The following CALN1 variants were observed in gnomAD, a reference collection of about 807,000 sequenced individuals.
CALN1 encodes calneuron 1, also known as calcium-binding protein 8.
CALN1 carries 17 observed loss-of-function variants against 30.6 expected under a neutral mutation model. The observed-to-expected ratio is 0.56, with a 90% CI of 0.38 to 0.83. The LOEUF is 0.83. Ranked by LOEUF, CALN1 falls within the 40% of genes least tolerant of loss-of-function variation. The pLI is 0.00. For synonymous variants in CALN1, 156 were observed against 131.4 expected, an observed-to-expected ratio of 1.19 and a Z score of -1.28; for missense variants, 291 against 354.9, an observed-to-expected ratio of 0.82 and a Z score of 1.45.
At chr7:71,826,703 A>G (rs1166591311) in intron 5 of CALN1, among the ~76,000 whole-genome samples, 1 of 151,896 alleles carries the variant, frequency 6.6e-6, no homozygotes. Context: ...TGTTGTTCCC[A>G]CCTCTGATCT....
chr7:71,848,947 GCAAA>G (rs1790478878), intron 5 of CALN1, among the ~76,000 whole-genome samples: 1 of 152,038 alleles, frequency 6.6e-6, no homozygotes, highest in Non-Finnish European at 1.5e-5. Context: ...TGTGAATGCT[GCAAA>G]CATTTTCTCC....
At chr7:72,272,368 C>A (rs527659499) in intron 3 of CALN1, among the ~76,000 whole-genome samples, 2 of 152,210 alleles carry the variant, frequency 1.3e-5, no homozygotes, top group Non-Finnish European at 1.5e-5. Flanking sequence ...TCGAGACCAA[C>A]CTGGCCAACA....
chr7:72,486,628 C>T, the CALN1 span, among the ~76,000 whole-genome samples: 1 of 152,098 alleles, frequency 6.6e-6, no homozygotes, highest in African/African-American at 2.4e-5. Flanking sequence ...CTGCCTTGGC[C>T]TCCCAAAGTG....
At chr7:72,370,257 A>G (rs956375231) in intron 2 of CALN1, among the ~76,000 whole-genome samples, 15 of 152,140 alleles carry the variant, frequency 9.9e-5, no homozygotes, top group Admixed American at 1.3e-4. Context: ...TGCCATCTGT[A>G]TATCTTTTTT....
At chr7:72,342,006 C>G (rs917897658) in intron 2 of CALN1, among the ~76,000 whole-genome samples, 4 of 151,920 alleles carry the variant, frequency 2.6e-5, no homozygotes, top group Non-Finnish European at 5.9e-5. Context: ...AATACCGATA[C>G]TTTGGAAGGT....
At chr7:71,950,671 A>G (rs1356748322) in intron 5 of CALN1, among the ~76,000 whole-genome samples, 1 of 152,154 alleles carries the variant, frequency 6.6e-6, no homozygotes, top group Non-Finnish European at 1.5e-5. Context: ...CTGTAAATCC[A>G]GTCAGAACAC....
chr7:71,975,224 G>T (rs1419357613), intron 5 of CALN1, among the ~76,000 whole-genome samples: 1 of 152,110 alleles, frequency 6.6e-6, no homozygotes, highest in African/African-American at 2.4e-5. Flanking sequence ...CTAGCCTCTT[G>T]TTCCACCAAT....
intron 6 of CALN1, among the ~76,000 whole-genome samples, chr7:71,807,858 G>A (rs1465321825): frequency 6.6e-6 from 1 of 152,120 alleles, no homozygotes; most frequent in African/African-American, 2.4e-5. Context: ...GGCGGATTAC[G>A]AGGTCAGGAG....
At chr7:72,101,051 C>T (rs902759034) in intron 4 of CALN1, among the ~76,000 whole-genome samples, 1 of 151,826 alleles carries the variant, frequency 6.6e-6, no homozygotes, top group African/African-American at 2.4e-5. Flanking sequence ...GCAACCTCTG[C>T]CTCCTGGGTT....
chr7:72,011,975 C>A (rs1448308108), intron 5 of CALN1, among the ~76,000 whole-genome samples: 1 of 152,124 alleles, frequency 6.6e-6, no homozygotes, highest in East Asian at 1.9e-4. Context: ...CCTTCCTGGG[C>A]GTCTACAGTT....
chr7:72,376,733 C>A (rs1804580655), intron 2 of CALN1, among the ~76,000 whole-genome samples: 1 of 152,074 alleles, frequency 6.6e-6, no homozygotes, highest in Non-Finnish European at 1.5e-5. Flanking sequence ...TTATCTATTT[C>A]TTATTTTGTT....
rs1368817180 is a variant in CALN1 at position 72,271,576 on chromosome 7, AT to A, written c.244+7109del. On this transcript the variant is annotated intron_variant, in intron 3 of 6. Coordinates refer to ENST00000395275, the MANE Select transcript of CALN1 (RefSeq NM_031468.4). ...TGTGCCTGCCTTTTAAAAAAAAAAA[AT>A]ATATATATATATATATAGTTTTCAG... 1.2e-3 allele frequency among the ~76,000 whole-genome samples: 60 copies of A among 51,652 alleles called. 3 individuals carry two copies. The highest frequency in any genetic ancestry group is 1.6e-3 in the Non-Finnish European group (48 of 29,280). 33.9% of individuals were successfully genotyped at this position (51,652 alleles called of 152,430 possible). A position where few individuals can be genotyped will look rare whatever the true frequency, so the allele number is the denominator to read the frequency against.
At chr7:72,416,401 C>T (rs1045885680), upstream of CALN1, among the ~76,000 whole-genome samples, 2 of 152,192 alleles carry the variant, frequency 1.3e-5, no homozygotes, top group Admixed American at 6.5e-5. Context: ...AAGCTGTTTT[C>T]TTCTGCCACT....
chr7:72,150,153 A>G (rs1787119982), intron 3 of CALN1, among the ~76,000 whole-genome samples: 1 of 149,428 alleles, frequency 6.7e-6, no homozygotes, highest in Non-Finnish European at 1.5e-5. Context: ...AACAGATAGA[A>G]GTTACCAGGA....
chr7:72,144,193 G>C (rs1563094986), intron 3 of CALN1, among the ~76,000 whole-genome samples: 2 of 151,220 alleles, frequency 1.3e-5, no homozygotes, highest in South Asian at 4.2e-4. Flanking sequence ...ATTGGATAAA[G>C]AGTCAAGACC....
At chr7:72,154,098 A>C (rs1465733041) in intron 3 of CALN1, among the ~76,000 whole-genome samples, 1 of 152,118 alleles carries the variant, frequency 6.6e-6, no homozygotes, top group African/African-American at 2.4e-5. Flanking sequence ...CCCTTTTACC[A>C]GGAAAGCCTC....
At chr7:72,467,061 T>C in the CALN1 span, among the ~76,000 whole-genome samples, 19,615 of 151,918 alleles carry the variant, frequency 0.13, 2,593 homozygotes, top group African/African-American at 0.34. Context: ...TGGACTAACA[T>C]CCTCCATTAC....
At chr7:71,924,054 ATGGTGGCGGCCACCTG>A (rs1407704752) in intron 5 of CALN1, among the ~76,000 whole-genome samples, 1 of 152,098 alleles carries the variant, frequency 6.6e-6, no homozygotes, top group Non-Finnish European at 1.5e-5. Context: ...TTAGCCAGGC[ATGGTGGCGGCCACCTG>A]TAATCCCAGC....
At chr7:72,390,349 T>A (rs1007501617) in intron 2 of CALN1, among the ~76,000 whole-genome samples, 3 of 152,024 alleles carry the variant, frequency 2.0e-5, no homozygotes, top group Non-Finnish European at 4.4e-5. Flanking sequence ...GAGAATCACT[T>A]GAACCTGGGA....
Sources: gnomAD v4.1 joint callset for allele counts (sites outside exome capture counted in the v4.1 genomes callset) on GRCh38, gnomAD v4.1.1 for gene constraint, MANE v1.5 for transcripts, NCBI Gene and HGNC (gene_info 2026-07-23, HGNC 2026-07-21) for gene names.